KLF12: variants seen among roughly 807,000 people sequenced by gnomAD.
The protein encoded by KLF12 is KLF transcription factor 12.
KLF12 carries 9 observed loss-of-function variants against 37.8 expected under a neutral mutation model. The ratio of observed to expected loss-of-function variants is 0.24; its 90% CI spans 0.14 to 0.42. The LOEUF (loss-of-function observed/expected upper bound fraction) is 0.42, where lower values mean the gene tolerates loss of function less well. Ranked by LOEUF, KLF12 falls within the 10% of genes least tolerant of loss-of-function variation. KLF12 has a pLI of 1.00. For missense variants in KLF12, 411 were observed against 516.0 expected (o/e 0.80, Z 1.97); for synonymous variants, 208 against 202.1 (o/e 1.03, Z -0.25).
At chr13:73,796,668 T>C (rs1278994472) in intron 5 of KLF12, among the ~76,000 whole-genome samples, 2 of 152,182 alleles carry the variant, frequency 1.3e-5, no homozygotes, top group Admixed American at 1.3e-4. Flanking sequence ...TAGTTTATTC[T>C]AAAGATAAAC....
chr13:73,918,756 A>G (rs527628633), intron 3 of KLF12, among the ~76,000 whole-genome samples: 40 of 152,298 alleles, frequency 2.6e-4, no homozygotes, highest in African/African-American at 9.4e-4. Flanking sequence ...TAGACACTGG[A>G]TTTCTCCTGC....
intron 5 of KLF12, among the ~76,000 whole-genome samples, chr13:73,812,032 T>C (rs9543463): frequency 0.22 from 33,567 of 152,062 alleles, 4,365 homozygotes; most frequent in Middle Eastern, 0.36. Flanking sequence ...GTAACTAAGA[T>C]AATTTTGAGT....
At chr13:73,927,168 C>T (rs1889430952) in intron 3 of KLF12, among the ~76,000 whole-genome samples, 1 of 152,046 alleles carries the variant, frequency 6.6e-6, no homozygotes. Context: ...AATCCAGTAC[C>T]ACAGAAAGAA....
chr13:74,283,090 C>A, the KLF12 span, among the ~76,000 whole-genome samples: 1 of 152,106 alleles, frequency 6.6e-6, no homozygotes, highest in Non-Finnish European at 1.5e-5. Flanking sequence ...ACCTTAAAAA[C>A]AAACAATATG....
rs987550663 is a variant in KLF12, at chr13:73,788,950, A to G, written c.807-23950T>C. On this transcript the variant is annotated intron_variant, in intron 5 of 7. Transcript: ENST00000377669. ...GAATTCATTCTAAAGAAAATTTCAC[A>G]CTTTGTGTACATTTCAAAATAGTTT... is the stretch of plus-strand genomic sequence containing the variant. 6.6e-5 allele frequency among the ~76,000 whole-genome samples: 10 copies of G among 152,186 alleles called. No individual in the cohort carries two copies. The South Asian group carries it at 8.3e-4, about 13-fold the overall frequency.
At chr13:73,948,294 T>A (rs1055399834) in intron 2 of KLF12, among the ~76,000 whole-genome samples, 1 of 152,172 alleles carries the variant, frequency 6.6e-6, no homozygotes, top group African/African-American at 2.4e-5. Flanking sequence ...CGATCTCAGC[T>A]TACTGCAATC....
At chr13:74,125,895 T>G (rs1346664843) in intron 1 of KLF12, among the ~76,000 whole-genome samples, 1 of 152,192 alleles carries the variant, frequency 6.6e-6, no homozygotes, top group African/African-American at 2.4e-5. Flanking sequence ...CGTTTAATGA[T>G]AGAGGGAGGT....
At chr13:73,823,812 G>A (rs1378532428) in intron 4 of KLF12, among the ~76,000 whole-genome samples, 2 of 152,088 alleles carry the variant, frequency 1.3e-5, no homozygotes, top group African/African-American at 4.8e-5. Flanking sequence ...CTGGGTTCAA[G>A]CTATTCTCCT....
chr13:73,810,610 A>G (rs2138415930), intron 5 of KLF12, among the ~76,000 whole-genome samples: 1 of 150,806 alleles, frequency 6.6e-6, no homozygotes, highest in East Asian at 2.0e-4. Context: ...TCCAAACTTT[A>G]AAGTTTAATT....
intron 3 of KLF12, among the ~76,000 whole-genome samples, chr13:73,936,691 C>T (rs1262186156): frequency 3.9e-5 from 6 of 152,272 alleles, no homozygotes; most frequent in Admixed American, 1.3e-4. Context: ...CCTGCTTTGC[C>T]GCCCGGAAGT....
chr13:73,946,934 C>A (rs1448563074), intron 2 of KLF12, among the ~76,000 whole-genome samples: 2 of 152,094 alleles, frequency 1.3e-5, no homozygotes, highest in Admixed American at 6.5e-5. Flanking sequence ...ACAATACAGT[C>A]CTTGAAGCAA....
At chr13:74,284,734 T>C in the KLF12 span, among the ~76,000 whole-genome samples, 1 of 152,190 alleles carries the variant, frequency 6.6e-6, no homozygotes, top group Non-Finnish European at 1.5e-5. Flanking sequence ...TCAATGGGAA[T>C]GTCAGTGAAG....
At chr13:74,149,063 T>G in the KLF12 span, among the ~76,000 whole-genome samples, 6 of 152,234 alleles carry the variant, frequency 3.9e-5, no homozygotes, top group South Asian at 1.2e-3. Context: ...GGTCTGCCAG[T>G]CTCGGCCTCC....
At chr13:73,827,017 G>A (rs1447969394) in intron 4 of KLF12, among the ~76,000 whole-genome samples, 1 of 152,160 alleles carries the variant, frequency 6.6e-6, no homozygotes, top group Non-Finnish European at 1.5e-5. Context: ...CTGGGCTTAA[G>A]TGATCTGCCC....
At chr13:74,022,318 GA>G (rs112061361) in intron 1 of KLF12, among the ~76,000 whole-genome samples, 23 of 151,848 alleles carry the variant, frequency 1.5e-4, no homozygotes, top group African/African-American at 5.3e-4. Flanking sequence ...CAGAATTTCA[GA>G]AAAAAACATA....
chr13:74,097,407 T>C (rs1368985377), intron 1 of KLF12, among the ~76,000 whole-genome samples: 2 of 152,110 alleles, frequency 1.3e-5, no homozygotes, highest in African/African-American at 4.8e-5. Flanking sequence ...ATATCAACAA[T>C]CAAATACAGA....
At chr13:73,723,279 C>T (rs984818796) in intron 6 of KLF12, among the ~76,000 whole-genome samples, 4 of 151,998 alleles carry the variant, frequency 2.6e-5, no homozygotes, top group Admixed American at 1.3e-4. Context: ...CTATGCATTG[C>T]GAAGACTTTA....
chr13:74,015,653 A>G (rs754664710), intron 1 of KLF12, among the ~76,000 whole-genome samples: 16 of 152,176 alleles, frequency 1.1e-4, no homozygotes, highest in Non-Finnish European at 1.8e-4. Flanking sequence ...TCTCTCCAAC[A>G]TGAATATTTG....
intron 1 of KLF12, among the ~76,000 whole-genome samples, chr13:74,025,190 C>T (rs1433130567): frequency 2.0e-5 from 3 of 152,098 alleles, no homozygotes; most frequent in Non-Finnish European, 4.4e-5. Context: ...CTTGCCTTTG[C>T]TTACTTTGTT....
Sources: gnomAD v4.1 joint callset for allele counts (sites outside exome capture counted in the v4.1 genomes callset) on GRCh38, gnomAD v4.1.1 for gene constraint, MANE v1.5 for transcripts, NCBI Gene and HGNC (gene_info 2026-07-23, HGNC 2026-07-21) for gene names.